The following PRCP variants were observed in gnomAD, a reference collection of about 807,000 sequenced individuals.
PRCP encodes the protein lysosomal Pro-X carboxypeptidase.
A neutral mutation model predicts 54.2 loss-of-function variants in PRCP; 46 were observed. The observed-to-expected ratio is 0.85, with a 90% confidence interval of 0.67 to 1.09. The LOEUF (loss-of-function observed/expected upper bound fraction) is 1.09, where lower values mean the gene tolerates loss of function less well. Among genes scored for constraint, PRCP ranks in the 50% least tolerant of loss-of-function variants. The probability of loss-of-function intolerance (pLI) is 0.00; values close to 1 mark genes in which losing one functional copy is unlikely to be tolerated. For synonymous variants in PRCP, 240 were observed against 212.2 expected, an observed-to-expected ratio of 1.13 and a Z score of -1.14; for missense variants, 613 against 596.8, an observed-to-expected ratio of 1.03 and a Z score of -0.28.
intron 8 of PRCP, chr11:82,829,428 A>G (rs902778506): frequency 6.6e-6 from 1 of 152,236 alleles, no homozygotes; most frequent in Non-Finnish European, 1.5e-5. Context: ...CCTTTGGTTA[A>G]TCCTCTTACC....
At chr11:82,834,289 G>A (rs1360672539) in intron 8 of PRCP, among the ~76,000 whole-genome samples, 1 of 152,114 alleles carries the variant, frequency 6.6e-6, no homozygotes, top group Non-Finnish European at 1.5e-5. Context: ...AAACCCAAAG[G>A]CTTATATTTA....
At position 82,849,089 on chromosome 11, in the gene PRCP, G is replaced by A; in HGVS notation, c.881C>T (p.Ala294Val). The A allele has an allele frequency of 3.1e-6, 5 of 1,614,004 alleles. No individual in the cohort carries two copies. The highest frequency in any genetic ancestry group is 4.2e-6 in the Non-Finnish European group (5 of 1,179,938). The change falls in exon 6 of 9, where the codon GCC becomes GTC. Residue 294 changes from alanine (A) to valine (V), a missense_variant. Coordinates refer to ENST00000313010, the MANE Select transcript of PRCP (RefSeq NM_005040.4). Reference protein sequence around the residue: ...VNLAMVDYPYASNFLQPLPAW... With the variant: ...VNLAMVDYPYVSNFLQPLPAW... ...AGGCAAAGGCTGTAAAAAGTTAGAG[G>A]CATAAGGATAGTCCACCATTGCCAG...
At chr11:82,892,619 T>C (rs1374568016) in intron 1 of PRCP, among the ~76,000 whole-genome samples, 1 of 152,236 alleles carries the variant, frequency 6.6e-6, no homozygotes, top group Non-Finnish European at 1.5e-5. Flanking sequence ...TTTTAATTAC[T>C]GAATGATGGT....
chr11:82,830,643 A>C (rs1372289392), intron 8 of PRCP: 2 of 150,520 alleles, frequency 1.3e-5, no homozygotes, highest in East Asian at 1.9e-4. Flanking sequence ...AAAAAAAAAA[A>C]AAAAAAAAAA....
rs112185054 is a variant in PRCP, at chr11:82,866,726, A to AT, written c.169-6610dup. Among the ~76,000 whole-genome samples, 1,233 of 145,922 alleles carry AT rather than the reference A, an allele frequency of 8.4e-3. 5 individuals are homozygous for AT. The highest frequency in any genetic ancestry group is 0.03 in the South Asian group (139 of 4,582). ...GATACTTTATAGATAATTGTTTTTA[A>AT]TTTTTTTTTTTTTGAGCCGGAGTCT... On this transcript the variant is annotated intron_variant, in intron 1 of 8. Transcript: ENST00000313010.
intron 8 of PRCP, among the ~76,000 whole-genome samples, chr11:82,835,058 C>T (rs1387141410): frequency 6.6e-6 from 1 of 152,138 alleles, no homozygotes; most frequent in Non-Finnish European, 1.5e-5. Context: ...GAGCAAAACT[C>T]TATCTCAAAA....
At chr11:82,870,147 A>G (rs145635056) in intron 1 of PRCP, among the ~76,000 whole-genome samples, 72 of 152,386 alleles carry the variant, frequency 4.7e-4, no homozygotes, top group Admixed American at 2.3e-3. Context: ...CAGCCAGGAC[A>G]CAATAACTTT....
chr11:82,863,246 A>T (rs1210154483), intron 1 of PRCP, among the ~76,000 whole-genome samples: 1 of 152,232 alleles, frequency 6.6e-6, no homozygotes, highest in African/African-American at 2.4e-5. Context: ...ATAGACATTA[A>T]TTTGTTATTC....
Position 82,849,195 on chromosome 11 carries a change from C to T in PRCP, c.775G>A (p.Gly259Arg). The T allele has an allele frequency of 6.2e-7, 1 of 1,614,022 alleles. No individual in the cohort carries two copies. Residue 259 changes from glycine (G) to arginine (R), a missense_variant, in exon 6 of 9, where the codon GGA becomes AGA. By Grantham distance (125) the Gly-to-Arg change is moderately radical. Transcript: ENST00000313010. The stretch of plus-strand genomic sequence containing the variant: ...AATGGGCTGCATAAGTGAAGGGCTC[C>T]AGTAAGCCACTGCAAACCACTGCCT... ...NTGSGLQWLT[G>R]ALHLCSPLTS...
chr11:82,850,414 G>C lies in PRCP; in HGVS notation c.503C>G (p.Ala168Gly). The stretch of plus-strand genomic sequence containing the variant: ...TATGGCAATGACAGGTTGATTTTCA[G>C]CTCCTGGGATTGTTCTTTTCAAGTG... The part of the protein sequence containing the change: ...IKHLKRTIPG[A>G]ENQPVIAIGG... The change falls in exon 4 of 9, where the codon GCT (alanine) becomes GGT (glycine). Residue 168 changes from alanine (A) to glycine (G), a missense_variant. Transcript: ENST00000313010. 7 of 1,607,178 alleles carry C rather than the reference G, an allele frequency of 4.4e-6. No individual in the cohort carries two copies. Among genetic ancestry groups the C allele is most frequent in the East Asian group, 2.2e-5 (1 of 44,460 alleles).
intron 6 of PRCP, chr11:82,843,282 G>GT (rs1858719849): frequency 6.6e-6 from 1 of 151,368 alleles, no homozygotes; most frequent in Admixed American, 6.6e-5. Flanking sequence ...CTCTAGCTTG[G>GT]GTGACAGAGT....
chr11:82,882,875 A>AGACACACACACT (rs1859784306), intron 1 of PRCP, among the ~76,000 whole-genome samples: 1 of 149,128 alleles, frequency 6.7e-6, no homozygotes, highest in African/African-American at 2.5e-5. Flanking sequence ...ACACACACAC[A>AGACACACACACT]GCCCTACTGC....
chr11:82,861,150 T>TC (rs139477668), intron 1 of PRCP, among the ~76,000 whole-genome samples: 17,694 of 152,162 alleles, frequency 0.12, 1,963 homozygotes, highest in African/African-American at 0.29. Context: ...TTAAATCAAC[T>TC]CTTACTCTGA....
chr11:82,876,808 C>T (rs1859613490), intron 1 of PRCP, among the ~76,000 whole-genome samples: 1 of 152,122 alleles, frequency 6.6e-6, no homozygotes, highest in African/African-American at 2.4e-5. Context: ...CGAACTAATA[C>T]AGTAAATTGG....
In PRCP at chr11:82,889,041, C is replaced by A. The variant is rs1452504136; in HGVS notation, c.168+11194G>T. On this transcript the variant is annotated intron_variant, in intron 1 of 8. Transcript: ENST00000313010. ...CATAAAAGTACAAAAAAAGATTTGA[C>A]CAATCACACACTGTCCAGGAGATTT... 4.9e-5 allele frequency among the ~76,000 whole-genome samples: 6 copies of A among 121,996 alleles called. No individual in the cohort carries two copies. In the East Asian group the frequency reaches 7.8e-4, roughly 16 times the overall value. The allele number at this position is 121,996 out of a possible 152,430, so 80.0% of individuals were successfully genotyped here. A position where few individuals can be genotyped will look rare whatever the true frequency, so the allele number is the denominator to read the frequency against.
intron 8 of PRCP, 21 bp downstream of exon 8, chr11:82,838,366 C>T (rs968134526): frequency 3.0e-5 from 47 of 1,586,896 alleles, no homozygotes; most frequent in Admixed American, 5.4e-5. Context: ...TGAAGTTTAT[C>T]TTTGGACAGC....
chr11:82,845,268 G>C (rs188233854), intron 6 of PRCP, among the ~76,000 whole-genome samples: 14 of 152,122 alleles, frequency 9.2e-5, no homozygotes, highest in African/African-American at 3.1e-4. Context: ...ACCAGACAAA[G>C]TAAAGATAAT....
At chr11:82,841,477 T>G (rs1858670135) in intron 6 of PRCP, among the ~76,000 whole-genome samples, 1 of 152,190 alleles carries the variant, frequency 6.6e-6, no homozygotes, top group East Asian at 1.9e-4. Context: ...TTATATAATC[T>G]CAGATGATTT....
chr11:82,881,107 T>C (rs1859739227), intron 1 of PRCP, among the ~76,000 whole-genome samples: 1 of 152,246 alleles, frequency 6.6e-6, no homozygotes, highest in African/African-American at 2.4e-5. Context: ...CTTTGTGGTC[T>C]AGATCAGGGT....
Sources: gnomAD v4.1 joint callset for allele counts (sites outside exome capture counted in the v4.1 genomes callset) on GRCh38, gnomAD v4.1.1 for gene constraint, MANE v1.5 for transcripts, NCBI Gene and HGNC (gene_info 2026-07-23, HGNC 2026-07-21) for gene names.